The following LHX4 variants were observed in gnomAD, a reference collection of about 807,000 sequenced individuals.
LHX4 encodes the protein LIM homeobox 4.
LHX4 carries 16 observed loss-of-function variants against 39.2 expected under a neutral mutation model. That is an observed-to-expected ratio of 0.41 (90% CI 0.28 to 0.62). The LOEUF is 0.62. Ranked by LOEUF, LHX4 falls within the 20% of genes least tolerant of loss-of-function variation. The pLI, the probability that LHX4 is intolerant of heterozygous loss-of-function variation, is 0.33. For synonymous variants in LHX4, 206 were observed against 198.1 expected, an observed-to-expected ratio of 1.04 and a Z score of -0.33; for missense variants, 439 against 511.9, an observed-to-expected ratio of 0.86 and a Z score of 1.37.
Position 180,274,321 on chromosome 1 carries a change from G to C in LHX4, c.915G>C (p.Gly305=). The change falls in exon 6 of 6, where the codon GGG becomes GGC. Residue 305 remains glycine (G), a synonymous_variant. Transcript: ENST00000263726. ...TGQSYQDLRD[G]SPYGIPQSPS... ...AATCCTATCAGGACTTGAGGGATGG[G>C]AGCCCCTATGGAATCCCCCAGTCTC... The C allele has an allele frequency of 6.2e-7, 1 of 1,614,218 alleles. No homozygotes were observed. Among genetic ancestry groups the C allele is most frequent in the Non-Finnish European group, 8.5e-7 (1 of 1,180,040 alleles).
intron 3 of LHX4, chr1:180,269,854 G>A (rs891876840): frequency 6.6e-6 from 1 of 152,218 alleles, no homozygotes; most frequent in African/African-American, 2.4e-5. Flanking sequence ...TCTAAGTAGT[G>A]TAGTCTCTGT....
intron 2 of LHX4, among the ~76,000 whole-genome samples, chr1:180,257,893 C>T (rs1415709987): frequency 6.6e-6 from 1 of 152,166 alleles, no homozygotes; most frequent in Non-Finnish European, 1.5e-5. Flanking sequence ...GAGTTCAAAT[C>T]CCAGCTCCAC....
In LHX4 at chr1:180,232,781, A is replaced by G. The variant is rs2149251199; in HGVS notation, c.76+2176A>G. 6.6e-6 allele frequency among the ~76,000 whole-genome samples: 1 copy of G among 152,364 alleles called. No individual in the cohort carries two copies. Among genetic ancestry groups the G allele is most frequent in the Non-Finnish European group, 1.5e-5 (1 of 68,034 alleles). On this transcript the variant is annotated intron_variant, in intron 1 of 5. Transcript: ENST00000263726. This position sits in a 1 kb window ranked among gnomAD's most constrained non-coding sequence, Gnocchi z 5.4. The stretch of plus-strand genomic sequence containing the variant: ...CGCGGGATAGGTCCCCATCACCCAC[A>G]TATACACAACTATTAGTTTTCTTGG...
intron 3 of LHX4, among the ~76,000 whole-genome samples, chr1:180,269,424 T>C (rs537851056): frequency 1.7e-3 from 261 of 152,300 alleles, no homozygotes; most frequent in African/African-American, 6.1e-3. Flanking sequence ...TTATGGGATA[T>C]AAAAAAGATT....
chr1:180,230,449 T>C lies in LHX4; in HGVS notation c.-81T>C, dbSNP rs974059070. On this transcript the variant is annotated 5_prime_UTR_variant, in exon 1 of 6. Coordinates refer to ENST00000263726, the MANE Select transcript of LHX4 (RefSeq NM_033343.4). This position sits in a 1 kb window ranked among gnomAD's most constrained non-coding sequence, Gnocchi z 5.8. ...GCGGCCTGCTTGGGGTTTTAATTATTATTTTGAAATTTCTGAATCGAGCTA... is the reference window on the plus strand; with the variant it reads ...GCGGCCTGCTTGGGGTTTTAATTATCATTTTGAAATTTCTGAATCGAGCTA... 10 of 1,240,386 alleles carry C rather than the reference T, an allele frequency of 8.1e-6. No homozygotes were observed. The highest frequency in any genetic ancestry group is 1.2e-5 in the Non-Finnish European group (10 of 857,276). 76.8% of individuals were successfully genotyped at this position (1,240,386 alleles called of 1,614,324 possible).
upstream of LHX4, among the ~76,000 whole-genome samples, chr1:180,229,938 G>GGGCGGAGGCGGA (rs1206144112): frequency 4.5e-4 from 46 of 101,960 alleles, 14 homozygotes; most frequent in African/African-American, 2.4e-3. Context: ...CGCCACGGCT[G>GGGCGGAGGCGGA]GGCGGAGGCG....
At chr1:180,248,688 G>T in intron 2 of LHX4, 1 of 578,878 alleles carries the variant, frequency 1.7e-6, no homozygotes, top group Non-Finnish European at 3.1e-6. Context: ...GCATGGGGCA[G>T]GGGTGAGGAG....
intron 1 of LHX4, among the ~76,000 whole-genome samples, chr1:180,242,993 A>ACTTT (rs1282987375): frequency 2.0e-5 from 3 of 151,830 alleles, no homozygotes; most frequent in Non-Finnish European, 4.4e-5. Context: ...TTTGGTTACA[A>ACTTT]CTTTCTTTCT....
chr1:180,278,354 A>C lies in LHX4; in HGVS notation c.*3775A>C, dbSNP rs1295284296. 2 of 151,814 alleles carry C rather than the reference A, an allele frequency of 1.3e-5. No individual in the cohort carries two copies. Among genetic ancestry groups the C allele is most frequent in the Non-Finnish European group, 2.9e-5 (2 of 68,010 alleles). 9.4% of individuals were successfully genotyped at this position (151,814 alleles called of 1,614,324 possible). On this transcript the variant is annotated 3_prime_UTR_variant, in exon 6 of 6. Transcript: ENST00000263726. Reference sequence around the variant, plus strand: ...CATCACTGGCTCTCTTCTTTCTTGGATTGGTCAATTGGCCCTTTTTGCAGT... The same window carrying C: ...CATCACTGGCTCTCTTCTTTCTTGGCTTGGTCAATTGGCCCTTTTTGCAGT...
chr1:180,229,965 G>GGGGGGC (rs1558204926), upstream of LHX4, among the ~76,000 whole-genome samples: 12 of 12,170 alleles, frequency 9.9e-4, no homozygotes, highest in African/African-American at 2.1e-3. Flanking sequence ...GAGGCGGGGA[G>GGGGGGC]GGGGGGGGGG....
intron 2 of LHX4, 134 bp downstream of exon 2, chr1:180,248,590 C>A (rs1647480810): frequency 1.1e-6 from 1 of 921,368 alleles, no homozygotes; most frequent in Non-Finnish European, 1.7e-6. Context: ...AATCCTGGAG[C>A]TGAGAGGATG....
At chr1:180,257,176 G>A (rs1647893574) in intron 2 of LHX4, among the ~76,000 whole-genome samples, 1 of 152,184 alleles carries the variant, frequency 6.6e-6, no homozygotes, top group South Asian at 2.1e-4. Context: ...TCCTGCCATG[G>A]ATGGAGCTGT....
upstream of LHX4, among the ~76,000 whole-genome samples, chr1:180,229,560 G>C (rs1664112159): frequency 6.6e-6 from 1 of 152,176 alleles, no homozygotes; most frequent in Non-Finnish European, 1.5e-5. Context: ...TCAGCCAGAC[G>C]CGGGGGAGAG....
rs930494200 is a variant in LHX4 at position 180,275,544 on chromosome 1, T to A, written c.*965T>A. The A allele has an allele frequency of 6.6e-6, 1 of 152,062 alleles. No individual in the cohort carries two copies. Among genetic ancestry groups the A allele is most frequent in the African/African-American group, 2.4e-5 (1 of 41,382 alleles). 9.4% of individuals were successfully genotyped at this position (152,062 alleles called of 1,614,324 possible). A position where few individuals can be genotyped will look rare whatever the true frequency, so the allele number is the denominator to read the frequency against. On this transcript the variant is annotated 3_prime_UTR_variant, in exon 6 of 6. Transcript: ENST00000263726. ...CCAGAGTTCCCCATCCCTTGTAGGG[T>A]GAAATATTTGGAGTCTGTTTTGAAG...
rs1664409662 is a variant in LHX4 at position 180,239,901 on chromosome 1, AAG to A, written c.77-8381_77-8380del. On this transcript the variant is annotated intron_variant, in intron 1 of 5. Coordinates refer to ENST00000263726, the MANE Select transcript of LHX4 (RefSeq NM_033343.4). ...CCCTGGGAGCACTGCTGGCTGTCCC[AAG>A]AGGATGGCCACCTGAGGGGGAATAC... 1.3e-5 allele frequency among the ~76,000 whole-genome samples: 2 copies of A among 152,140 alleles called. 1 individual carries two copies. The highest frequency in any genetic ancestry group is 4.1e-4 in the South Asian group (2 of 4,826).
chr1:180,275,503 G>T lies in LHX4; in HGVS notation c.*924G>T, dbSNP rs189750912. The T allele has an allele frequency of 6.6e-6, 1 of 152,214 alleles. No homozygotes were observed. Among genetic ancestry groups the T allele is most frequent in the Admixed American group, 6.5e-5 (1 of 15,292 alleles). 9.4% of individuals were successfully genotyped at this position (152,214 alleles called of 1,614,324 possible). The stretch of plus-strand genomic sequence containing the variant: ...AACCTGCAGTCTGTTCAGCCATATC[G>T]GCTGATGCCAGTCTTCCAGAGTTCC... On this transcript the variant is annotated 3_prime_UTR_variant, in exon 6 of 6. Coordinates refer to ENST00000263726, the MANE Select transcript of LHX4 (RefSeq NM_033343.4).
intron 1 of LHX4, among the ~76,000 whole-genome samples, chr1:180,247,137 C>T (rs1422407409): frequency 2.0e-5 from 3 of 152,158 alleles, no homozygotes; most frequent in South Asian, 2.1e-4. Flanking sequence ...CATCCAACCA[C>T]GGAAACCTGA....
intron 2 of LHX4, among the ~76,000 whole-genome samples, chr1:180,256,417 C>G (rs1647856880): frequency 6.6e-6 from 1 of 152,192 alleles, no homozygotes; most frequent in Non-Finnish European, 1.5e-5. Context: ...CTCTGAGAAG[C>G]CACGAGCTTC....
Position 180,271,482 on chromosome 1 carries a change from A to C in LHX4, c.554A>C (p.His185Pro), listed in dbSNP as rs1648655395. 1 of 1,614,162 alleles carries C rather than the reference A, an allele frequency of 6.2e-7. No homozygotes were observed. The highest frequency in any genetic ancestry group is 8.5e-7 in the Non-Finnish European group (1 of 1,180,016). Residue 185 changes from histidine to proline, a missense_variant, in exon 4 of 6, where the codon CAC (histidine) becomes CCC (proline). By Grantham distance (77) the His-to-Pro change is moderately conservative (BLOSUM62 -2). Coordinates refer to ENST00000263726, the MANE Select transcript of LHX4 (RefSeq NM_033343.4). The stretch of plus-strand genomic sequence containing the variant: ...AAGAACTCCCCCAAGCCTGCCCGGC[A>C]CGTGAGGGAGCAGCTGTCCTCAGAG... ...AYKNSPKPAR[H>P]VREQLSSETG...
Sources: gnomAD v4.1 joint callset for allele counts (sites outside exome capture counted in the v4.1 genomes callset) on GRCh38, gnomAD v4.1.1 for gene constraint, Gnocchi (gnomAD v3.1) non-coding constraint, MANE v1.5 for transcripts, NCBI Gene and HGNC (gene_info 2026-07-23, HGNC 2026-07-21) for gene names.